Variants in BOD1L1 observed in about 807,000 individuals in gnomAD.
The protein encoded by BOD1L1 is biorientation of chromosomes in cell division 1 like 1, also known as biorientation of chromosomes in cell division protein 1-like 1.
Under a neutral mutation model 240.7 loss-of-function variants are expected in BOD1L1, and 86 were observed. The observed-to-expected ratio is 0.36, with a 90% CI of 0.30 to 0.43. The LOEUF is 0.43. BOD1L1 is among the 20% of genes least tolerant of loss of function. The pLI, the probability that BOD1L1 is intolerant of heterozygous loss-of-function variation, is 1.00. For missense variants in BOD1L1, 3,554 were observed against 3,643.5 expected, an observed-to-expected ratio of 0.98 and a Z score of 0.63; for synonymous variants, 1,268 against 1,272.3, an observed-to-expected ratio of 1.00 and a Z score of 0.07.
At position 13,602,243 on chromosome 4, in the gene BOD1L1, G is replaced by C; in HGVS notation, c.4657C>G (p.Pro1553Ala). 1.9e-6 allele frequency: 3 copies of C among 1,613,804 alleles called. No individual in the cohort carries two copies. Among genetic ancestry groups the C allele is most frequent in the Non-Finnish European group, 2.5e-6 (3 of 1,179,808 alleles). The change falls in exon 10 of 26, where the codon CCT (proline) becomes GCT (alanine). Residue 1553 changes from proline to alanine, a missense_variant. Pro to Ala is a conservative substitution (Grantham distance 27, BLOSUM62 -1). This residue lies in a region of BOD1L1 where 3,393 missense variants were observed against 3,427.1 expected (regional missense o/e 0.99). Coordinates refer to ENST00000040738, the MANE Select transcript of BOD1L1 (RefSeq NM_148894.3). ...SETRQSEVAL[P>A]CTSIEADEGL... ...TCATCTGCCTCAATGCTGGTGCAAG[G>C]CAAAGCCACCTCACTTTGTCTTGTT...
intron 2 of BOD1L1, among the ~76,000 whole-genome samples, chr4:13,617,553 G>A (rs538839463): frequency 1.3e-5 from 2 of 152,306 alleles, no homozygotes; most frequent in Non-Finnish European, 2.9e-5. Flanking sequence ...CGTTTTTCTG[G>A]TTAAAGTTAC....
chr4:13,623,798 G>A (rs1717201168), intron 1 of BOD1L1: 1 of 152,270 alleles, frequency 6.6e-6, no homozygotes, highest in East Asian at 1.9e-4. Context: ...ATATGCATGT[G>A]ACAGACATAA....
In BOD1L1 at chr4:13,604,461, A is replaced by G. The variant is rs1715509271; in HGVS notation, c.2439T>C (p.Ile813=). Residue 813 remains isoleucine (I), a synonymous_variant, in exon 10 of 26, where the codon ATT becomes ATC. Coordinates refer to ENST00000040738, the MANE Select transcript of BOD1L1 (RefSeq NM_148894.3). ...GKDGKPVSEY[I]IKTDENVRKE... Reference sequence around the variant, plus strand: ...TACGAACATTCTCATCTGTTTTTATAATATATTCAGAAACTGGCTTTCCAT... The same window carrying G: ...TACGAACATTCTCATCTGTTTTTATGATATATTCAGAAACTGGCTTTCCAT... 5 of 1,547,684 alleles carry G rather than the reference A, an allele frequency of 3.2e-6. No individual in the cohort carries two copies. The highest frequency in any genetic ancestry group is 2.3e-5 in the East Asian group (1 of 43,722).
chr4:13,594,546 T>C (rs1714462353), intron 12 of BOD1L1, among the ~76,000 whole-genome samples: 1 of 152,164 alleles, frequency 6.6e-6, no homozygotes, highest in African/African-American at 2.4e-5. Context: ...TCAATGGAAT[T>C]TTCCAGAGGC....
intron 15 of BOD1L1, among the ~76,000 whole-genome samples, chr4:13,588,175 G>A (rs1390198725): frequency 7.1e-6 from 1 of 140,740 alleles, no homozygotes; most frequent in African/African-American, 2.6e-5. Flanking sequence ...GCAACAGGGG[G>A]AGACTGTTTC....
rs1716322315 is a variant in BOD1L1, at chr4:13,613,242, C to T, written c.1324+270G>A. On this transcript the variant is annotated intron_variant, in intron 5 of 25. Coordinates refer to ENST00000040738, the MANE Select transcript of BOD1L1 (RefSeq NM_148894.3). This position sits in a 1 kb window ranked among gnomAD's most constrained non-coding sequence, Gnocchi z 4.0. ...GACACACACAAATAAAAAGCATCTT[C>T]ATATATTTATCTCCTCTAAATTTTA... 6.6e-6 allele frequency among the ~76,000 whole-genome samples: 1 copy of T among 152,130 alleles called. No homozygotes were observed. Among genetic ancestry groups the T allele is most frequent in the Non-Finnish European group, 1.5e-5 (1 of 68,026 alleles).
chr4:13,626,477 T>C (rs1200543109), intron 1 of BOD1L1, among the ~76,000 whole-genome samples: 1 of 152,130 alleles, frequency 6.6e-6, no homozygotes, highest in Non-Finnish European at 1.5e-5. Context: ...TGTACTGTGG[T>C]TTTCCATCCA....
chr4:13,618,118 C>T (rs923525129), intron 2 of BOD1L1, among the ~76,000 whole-genome samples: 3 of 152,150 alleles, frequency 2.0e-5, no homozygotes, highest in Non-Finnish European at 4.4e-5. Context: ...GCTTAATTTT[C>T]ACATGTGTAA....
intron 3 of BOD1L1, 21 bp downstream of exon 3, chr4:13,615,291 C>G (rs1716498691): frequency 1.3e-6 from 2 of 1,579,676 alleles, no homozygotes. Context: ...ATGGAACTGA[C>G]CAAGAGTAAA....
intron 12 of BOD1L1, among the ~76,000 whole-genome samples, chr4:13,594,755 C>T (rs1418962263): frequency 6.6e-6 from 1 of 151,974 alleles, no homozygotes; most frequent in African/African-American, 2.4e-5. Context: ...ATTAGCTGGG[C>T]ATGGTGGTGT....
In BOD1L1 at chr4:13,603,820, T is replaced by G. The variant is rs568183382; in HGVS notation, c.3080A>C (p.His1027Pro). 4.3e-6 allele frequency: 7 copies of G among 1,613,648 alleles called. No individual in the cohort carries two copies. In the African/African-American group the frequency reaches 9.3e-5, roughly 21 times the overall value. ...SDGHKSRSLKHSSKDIKKKDE... is the reference protein window; with the variant it reads ...SDGHKSRSLKPSSKDIKKKDE... Reference sequence around the variant, plus strand: ...CTTCTTTTTTATGTCTTTACTACTATGCTTTAAGCTTCTGCTTTTGTGGCC... The same window carrying G: ...CTTCTTTTTTATGTCTTTACTACTAGGCTTTAAGCTTCTGCTTTTGTGGCC... The change falls in exon 10 of 26, where the codon CAT becomes CCT. Residue 1027 changes from histidine (H) to proline (P), a missense_variant. This residue lies in a region of BOD1L1 where 3,393 missense variants were observed against 3,427.1 expected (regional missense o/e 0.99). Transcript: ENST00000040738.
At position 13,599,972 on chromosome 4, in the gene BOD1L1, G is replaced by A. The variant is rs551662849; in HGVS notation, c.6928C>T (p.Leu2310Phe). Reference protein sequence around the residue: ...GCEAVMIGAVLQDEDRLTITR... With the variant: ...GCEAVMIGAVFQDEDRLTITR... ...ATGGTGAGCCGATCTTCATCCTGGA[G>A]GACAGCACCAATCATGACTGCTTCA... The change falls in exon 10 of 26, where the codon CTC (leucine) becomes TTC (phenylalanine). Residue 2310 changes from leucine (L) to phenylalanine (F), a missense_variant. This residue lies in a region of BOD1L1 where 3,393 missense variants were observed against 3,427.1 expected (regional missense o/e 0.99). Coordinates refer to ENST00000040738, the MANE Select transcript of BOD1L1 (RefSeq NM_148894.3). 11 of 1,611,674 alleles carry A rather than the reference G, an allele frequency of 6.8e-6. No homozygotes were observed. In the South Asian group the frequency reaches 8.8e-5, roughly 13 times the overall value.
In BOD1L1 at chr4:13,614,398, C is replaced by G. The variant is rs758483551; in HGVS notation, c.972G>C (p.Lys324Asn). 1 of 1,573,394 alleles carries G rather than the reference C, an allele frequency of 6.4e-7. No individual in the cohort carries two copies. Among genetic ancestry groups the G allele is most frequent in the Admixed American group, 1.9e-5 (1 of 53,170 alleles). Reference sequence around the variant, plus strand: ...CTCCTTTCTCATTGCTGTCTGGCTTCTTTTCACCTTTGTCTGTTGATTTAT... The same window carrying G: ...CTCCTTTCTCATTGCTGTCTGGCTTGTTTTCACCTTTGTCTGTTGATTTAT... ...QKNKSTDKGEKKPDSNEKGER... is the reference protein window; with the variant it reads ...QKNKSTDKGENKPDSNEKGER... The change falls in exon 4 of 26, where the codon AAG becomes AAC. Residue 324 changes from lysine (K) to asparagine (N), a missense_variant. By Grantham distance (94) the Lys-to-Asn change is moderately conservative. Around this residue, in one of 2 missense-constraint regions of BOD1L1, gnomAD observed 3,393 missense variants for 3,427.1 expected, o/e 0.99. Coordinates refer to ENST00000040738, the MANE Select transcript of BOD1L1 (RefSeq NM_148894.3).
chr4:13,617,543 C>T (rs893387453), intron 2 of BOD1L1, among the ~76,000 whole-genome samples: 3 of 152,180 alleles, frequency 2.0e-5, no homozygotes, highest in Admixed American at 6.5e-5. Context: ...CAACAGCTGG[C>T]GTTTTTCTGG....
intron 9 of BOD1L1, among the ~76,000 whole-genome samples, chr4:13,606,066 T>C (rs1344941160): frequency 6.6e-6 from 1 of 152,160 alleles, no homozygotes; most frequent in Non-Finnish European, 1.5e-5. Flanking sequence ...TCTAGGTCAG[T>C]TTAACACTTC....
At chr4:13,609,257 A>T in intron 7 of BOD1L1, 38 bp downstream of exon 7, 1 of 1,207,568 alleles carries the variant, frequency 8.3e-7, no homozygotes, top group Non-Finnish European at 1.1e-6. Context: ...AATGAAATAT[A>T]TGAGATAGTT....
chr4:13,612,659 A>G (rs1716262530), intron 5 of BOD1L1, among the ~76,000 whole-genome samples: 1 of 152,186 alleles, frequency 6.6e-6, no homozygotes, highest in African/African-American at 2.4e-5. Flanking sequence ...GGCCTTTACC[A>G]TTAGCTTCTG....
chr4:13,615,282 T>C, intron 3 of BOD1L1, 30 bp downstream of exon 3: 3 of 1,537,492 alleles, frequency 2.0e-6, no homozygotes, highest in East Asian at 2.3e-5. Context: ...AGAAAAACAA[T>C]GGAACTGACC....
In BOD1L1 at chr4:13,602,275, G is replaced by C. The variant is rs772790822; in HGVS notation, c.4625C>G (p.Ser1542Cys). Residue 1542 changes from serine (S) to cysteine (C), a missense_variant, in exon 10 of 26, where the codon TCT (serine) becomes TGT (cysteine). This residue lies in a region of BOD1L1 where 3,393 missense variants were observed against 3,427.1 expected (regional missense o/e 0.99). Transcript: ENST00000040738. ...PVKAGPATTTSSETRQSEVAL... is the reference protein window; with the variant it reads ...PVKAGPATTTCSETRQSEVAL... Reference sequence around the variant, plus strand: ...CACCTCACTTTGTCTTGTTTCTGAAGAAGTGGTTGTGGCAGGCCCAGCCTT... The same window carrying C: ...CACCTCACTTTGTCTTGTTTCTGAACAAGTGGTTGTGGCAGGCCCAGCCTT... 6 of 1,614,002 alleles carry C rather than the reference G, an allele frequency of 3.7e-6. No individual in the cohort carries two copies. Among genetic ancestry groups the C allele is most frequent in the Non-Finnish European group, 5.1e-6 (6 of 1,179,888 alleles).
Sources: gnomAD v4.1 joint callset for allele counts (sites outside exome capture counted in the v4.1 genomes callset) on GRCh38, gnomAD v4.1.1 for gene constraint, gnomAD v4.1.1 regional missense constraint, Gnocchi (gnomAD v3.1) non-coding constraint, MANE v1.5 for transcripts, NCBI Gene and HGNC (gene_info 2026-07-23, HGNC 2026-07-21) for gene names.